Variants in GPHN observed in about 807,000 individuals in gnomAD.
The protein encoded by GPHN is gephyrin.
In GPHN, 17 loss-of-function variants were observed where a neutral mutation model predicts 95.5. The observed-to-expected ratio is 0.18, with a 90% CI of 0.12 to 0.27. GPHN has a LOEUF of 0.27. GPHN is among the 10% of genes least tolerant of loss of function. The pLI is 1.00. For synonymous variants in GPHN, 320 were observed against 322.5 expected, an observed-to-expected ratio of 0.99 and a Z score of 0.08; for missense variants, 660 against 978.1, an observed-to-expected ratio of 0.67 and a Z score of 4.34.
intron 2 of GPHN, among the ~76,000 whole-genome samples, chr14:66,703,471 G>A (rs1413770207): frequency 1.3e-5 from 2 of 152,194 alleles, no homozygotes; most frequent in Non-Finnish European, 2.9e-5. Flanking sequence ...CAAGCCAGAA[G>A]AGATTGGGGG....
Position 67,014,197 on chromosome 14 carries a change from A to C in GPHN, c.964-9436A>C, listed in dbSNP as rs1033914044. Reference sequence around the variant, plus strand: ...ACAATATAGTAATAGCTAACAATATATACTGTTAACTCTGAGCTACTCTCT... The same window carrying C: ...ACAATATAGTAATAGCTAACAATATCTACTGTTAACTCTGAGCTACTCTCT... On this transcript the variant is annotated intron_variant, in intron 9 of 22. Coordinates refer to ENST00000478722, the MANE Select transcript of GPHN (RefSeq NM_020806.5). Among the ~76,000 whole-genome samples the C allele has an allele frequency of 1.3e-5, 2 of 152,156 alleles. 1 individual carries two copies. Among genetic ancestry groups the C allele is most frequent in the African/African-American group, 4.8e-5 (2 of 41,452 alleles).
chr14:67,282,375 G>A, the GPHN span, among the ~76,000 whole-genome samples: 1 of 152,192 alleles, frequency 6.6e-6, no homozygotes, highest in African/African-American at 2.4e-5. Flanking sequence ...GGAAGAATGG[G>A]CAACTGATTT....
the GPHN span, among the ~76,000 whole-genome samples, chr14:67,621,853 T>G: frequency 6.6e-6 from 1 of 151,706 alleles, no homozygotes; most frequent in Non-Finnish European, 1.5e-5. Context: ...TCCCAGCACT[T>G]TGGGAGGCCA....
the GPHN span, among the ~76,000 whole-genome samples, chr14:67,188,881 G>T: frequency 1.3e-5 from 2 of 148,488 alleles, no homozygotes; most frequent in South Asian, 4.3e-4. Context: ...AATAGAAATG[G>T]GGTATCACTG....
intron 6 of GPHN, among the ~76,000 whole-genome samples, chr14:66,916,826 AC>A: frequency 1.3e-5 from 2 of 152,020 alleles, no homozygotes; most frequent in Admixed American, 1.3e-4. Context: ...TGTACAAGCT[AC>A]CCCCTGGCCT....
At chr14:67,237,350 A>G in the GPHN span, among the ~76,000 whole-genome samples, 1 of 152,190 alleles carries the variant, frequency 6.6e-6, no homozygotes, top group African/African-American at 2.4e-5. Flanking sequence ...TTTCACTAGT[A>G]CAAAGAGGAC....
chr14:67,182,567 A>G (rs2083341043), downstream of GPHN, among the ~76,000 whole-genome samples: 1 of 152,222 alleles, frequency 6.6e-6, no homozygotes, highest in Non-Finnish European at 1.5e-5. Flanking sequence ...TAATCCTTTT[A>G]TGTACATTCA....
chr14:67,300,107 G>A, the GPHN span, among the ~76,000 whole-genome samples: 13 of 152,034 alleles, frequency 8.6e-5, no homozygotes, highest in Non-Finnish European at 1.6e-4. Flanking sequence ...TTGCTGTGCC[G>A]TCCTGTTTAT....
intron 5 of GPHN, among the ~76,000 whole-genome samples, chr14:66,911,549 T>A (rs2065675140): frequency 6.6e-6 from 1 of 151,998 alleles, no homozygotes; most frequent in Non-Finnish European, 1.5e-5. Flanking sequence ...TTTGAAAGTA[T>A]CAGTGATAGT....
chr14:67,387,714 C>T, the GPHN span, among the ~76,000 whole-genome samples: 1 of 152,168 alleles, frequency 6.6e-6, no homozygotes, highest in African/African-American at 2.4e-5. Flanking sequence ...TCCCTATGCT[C>T]AAGATGGTAG....
the GPHN span, among the ~76,000 whole-genome samples, chr14:67,478,722 T>C: frequency 6.6e-6 from 1 of 152,104 alleles, no homozygotes; most frequent in African/African-American, 2.4e-5. Context: ...CCAGGGCCGG[T>C]GAACCCTCCT....
the GPHN span, among the ~76,000 whole-genome samples, chr14:67,191,726 G>A: frequency 6.6e-4 from 101 of 152,306 alleles, 3 homozygotes; most frequent in African/African-American, 2.4e-3. Flanking sequence ...ACCATGGAAC[G>A]TCTAGAGAGC....
intron 3 of GPHN, among the ~76,000 whole-genome samples, chr14:66,822,330 G>T (rs978340581): frequency 6.6e-6 from 1 of 152,182 alleles, no homozygotes; most frequent in African/African-American, 2.4e-5. Context: ...TGAACAGATC[G>T]TCTCCTTAGA....
At chr14:67,233,990 A>G in the GPHN span, among the ~76,000 whole-genome samples, 3 of 152,208 alleles carry the variant, frequency 2.0e-5, no homozygotes, top group African/African-American at 7.2e-5. Context: ...AGATCAGATG[A>G]AAGGGAGTGA....
intron 9 of GPHN, among the ~76,000 whole-genome samples, chr14:67,018,315 A>G (rs997082648): frequency 6.6e-6 from 1 of 152,164 alleles, no homozygotes; most frequent in African/African-American, 2.4e-5. Context: ...AACACTGCTA[A>G]AAGAGTTTAG....
the GPHN span, among the ~76,000 whole-genome samples, chr14:67,251,767 G>A: frequency 1.3e-5 from 2 of 152,146 alleles, no homozygotes; most frequent in Non-Finnish European, 2.9e-5. Flanking sequence ...GTTTGAATGA[G>A]GGTGATAAGA....
At chr14:67,625,187 T>C in the GPHN span, among the ~76,000 whole-genome samples, 1 of 151,902 alleles carries the variant, frequency 6.6e-6, no homozygotes. Flanking sequence ...TCTCACACCA[T>C]ATATGAAAAT....
At chr14:66,837,850 C>G (rs1400342376) in intron 4 of GPHN, among the ~76,000 whole-genome samples, 1 of 151,862 alleles carries the variant, frequency 6.6e-6, no homozygotes, top group Non-Finnish European at 1.5e-5. Flanking sequence ...TATACCTACT[C>G]TATGTCAGAA....
chr14:66,583,625 G>C (rs868064831), intron 1 of GPHN, among the ~76,000 whole-genome samples: 28 of 152,026 alleles, frequency 1.8e-4, no homozygotes, highest in South Asian at 6.2e-4. Flanking sequence ...TTTCCCAGCA[G>C]CATTTATTAA....
Sources: gnomAD v4.1 joint callset for allele counts (sites outside exome capture counted in the v4.1 genomes callset) on GRCh38, gnomAD v4.1.1 for gene constraint, MANE v1.5 for transcripts, NCBI Gene and HGNC (gene_info 2026-07-23, HGNC 2026-07-21) for gene names.